The following SPINK5 variants were observed in gnomAD, a reference collection of about 807,000 sequenced individuals.
SPINK5 encodes serine protease inhibitor Kazal-type 5.
SPINK5 carries 125 observed loss-of-function variants against 151.8 expected under a neutral mutation model. The observed-to-expected ratio is 0.82, with a 90% CI of 0.71 to 0.96. The LOEUF is 0.96. SPINK5 is among the 40% of genes least tolerant of loss of function. The probability of loss-of-function intolerance (pLI) is 0.00; values close to 1 mark genes in which losing one functional copy is unlikely to be tolerated. For synonymous variants in SPINK5, 374 were observed against 395.3 expected (o/e 0.95, Z 0.64); for missense variants, 1,194 against 1,291.9 (o/e 0.92, Z 1.16).
chr5:148,088,471 G>A (rs1161771748), intron 5 of SPINK5, 71 bp from the exon 6 acceptor site: 1 of 1,312,276 alleles, frequency 7.6e-7, no homozygotes, highest in East Asian at 2.3e-5. Context: ...ATGCAATGTA[G>A]AGCAGTTAGG....
rs1009502314 is a variant in SPINK5 at position 148,099,377 on chromosome 5, C to T, written c.1092+62C>T. ...TATAATTTGAACAAATTTTAAGAGC[C>T]TAAAGGGTGAGATTTTGCCCTGCAG... On this transcript the variant is annotated intron_variant, in intron 12 of 32. Transcript: ENST00000256084. 4 of 1,461,498 alleles carry T rather than the reference C, an allele frequency of 2.7e-6. No homozygotes were observed. In the African/African-American group the frequency reaches 4.2e-5, roughly 15 times the overall value. 90.5% of individuals were successfully genotyped at this position (1,461,498 alleles called of 1,614,324 possible).
intron 11 of SPINK5, 55 bp from the exon 12 acceptor site, chr5:148,099,179 A>T: frequency 6.7e-7 from 1 of 1,502,266 alleles, no homozygotes; most frequent in Non-Finnish European, 9.1e-7. Context: ...GATGTGGAGA[A>T]ATCATGGCAT....
chr5:148,064,254 T>C (rs1380604219), intron 1 of SPINK5, among the ~76,000 whole-genome samples, 155 bp downstream of exon 1: 1 of 152,240 alleles, frequency 6.6e-6, no homozygotes, highest in African/African-American at 2.4e-5. Context: ...GATTTATATA[T>C]GTGGCTTTAT....
At chr5:148,108,910 T>C in intron 18 of SPINK5, 73 bp downstream of exon 18, 1 of 1,592,412 alleles carries the variant, frequency 6.3e-7, no homozygotes. Flanking sequence ...TCCTATTCCC[T>C]CCTCCTCATT....
At chr5:148,099,827 C>T (rs1439400789) in intron 12 of SPINK5, among the ~76,000 whole-genome samples, 2 of 152,030 alleles carry the variant, frequency 1.3e-5, no homozygotes, top group Non-Finnish European at 2.9e-5. Flanking sequence ...ACCAGTCTCC[C>T]TAACATAGTT....
In SPINK5 at chr5:148,109,169, C is replaced by T. The variant is rs112811843; in HGVS notation, c.1692+332C>T. Among the ~76,000 whole-genome samples the T allele has an allele frequency of 6.9e-3, 1,050 of 152,202 alleles. 11 individuals are homozygous for T. Among genetic ancestry groups the T allele is most frequent in the African/African-American group, 0.023 (956 of 41,522 alleles). On this transcript the variant is annotated intron_variant, in intron 18 of 32. Coordinates refer to ENST00000256084, the MANE Select transcript of SPINK5 (RefSeq NM_006846.4). ...CAGATGTTCAGATTTTTCTCAAGTA[C>T]ATTTTTGAATATGAATATTTACCTT...
intron 31 of SPINK5, 63 bp from the exon 32 acceptor site, chr5:148,133,734 A>G: frequency 6.5e-7 from 1 of 1,547,986 alleles, no homozygotes; most frequent in Non-Finnish European, 8.9e-7. Flanking sequence ...GTTGGTCCTT[A>G]TTTATTTTCT....
chr5:148,114,331 C>T, intron 20 of SPINK5, 31 bp from the exon 21 acceptor site: 3 of 1,586,868 alleles, frequency 1.9e-6, no homozygotes, highest in African/African-American at 1.4e-5. Flanking sequence ...CCAGAAGATA[C>T]TCAAGCTTTC....
In SPINK5 at chr5:148,137,095, T is replaced by C. The variant is rs908316608; in HGVS notation, c.*104T>C. On this transcript the variant is annotated 3_prime_UTR_variant, in exon 33 of 33. Transcript: ENST00000256084. ...AAGAATTCTTCGGAGCTTGTCTTATTTGCTATAGAAAACAATACAGAGCTT... is the reference window on the plus strand; with the variant it reads ...AAGAATTCTTCGGAGCTTGTCTTATCTGCTATAGAAAACAATACAGAGCTT... The C allele has an allele frequency of 4.7e-6, 7 of 1,477,924 alleles. No individual in the cohort carries two copies. The African/African-American group carries it at 9.8e-5, about 21-fold the overall frequency. The allele number at this position is 1,477,924 out of a possible 1,614,324, so 91.6% of individuals were successfully genotyped here.
intron 18 of SPINK5, 137 bp from the exon 19 acceptor site, chr5:148,111,631 T>G: frequency 2.4e-6 from 3 of 1,268,478 alleles, no homozygotes; most frequent in Non-Finnish European, 3.4e-6. Flanking sequence ...CTGAAAAGCA[T>G]TTTGGTTACT....
At chr5:148,079,890 C>T (rs561201764) in intron 4 of SPINK5, among the ~76,000 whole-genome samples, 10 of 151,136 alleles carry the variant, frequency 6.6e-5, no homozygotes, top group African/African-American at 2.2e-4. Context: ...CAACATTGTA[C>T]TGGAGGTTCT....
intron 20 of SPINK5, among the ~76,000 whole-genome samples, chr5:148,113,774 T>C (rs575863303): frequency 5.3e-5 from 8 of 152,156 alleles, no homozygotes; most frequent in African/African-American, 1.2e-4. Flanking sequence ...ATATGAAAAA[T>C]AGATTCACTC....
intron 14 of SPINK5, 25 bp downstream of exon 14, chr5:148,101,461 C>G (rs372883064): frequency 4.8e-5 from 74 of 1,539,642 alleles, no homozygotes; most frequent in Non-Finnish European, 6.4e-5. Flanking sequence ...TCCAGCAACT[C>G]AGAGGGATAT....
Position 148,137,097 on chromosome 5 carries a change from G to T in SPINK5, c.*106G>T. 6.8e-7 allele frequency: 1 copy of T among 1,468,308 alleles called. No individual in the cohort carries two copies. The highest frequency in any genetic ancestry group is 9.5e-7 in the Non-Finnish European group (1 of 1,049,506). The allele number at this position is 1,468,308 out of a possible 1,614,324, so 91.0% of individuals were successfully genotyped here. Reference sequence around the variant, plus strand: ...GAATTCTTCGGAGCTTGTCTTATTTGCTATAGAAAACAATACAGAGCTTTT... The same window carrying T: ...GAATTCTTCGGAGCTTGTCTTATTTTCTATAGAAAACAATACAGAGCTTTT... On this transcript the variant is annotated 3_prime_UTR_variant, in exon 33 of 33. Transcript: ENST00000256084.
At chr5:148,085,014 C>T (rs1581063401) in intron 4 of SPINK5, among the ~76,000 whole-genome samples, 2 of 151,542 alleles carry the variant, frequency 1.3e-5, no homozygotes, top group African/African-American at 4.8e-5. Flanking sequence ...TCTGTGGCAG[C>T]TTCACAGTCC....
At chr5:148,108,904 A>G in intron 18 of SPINK5, 67 bp downstream of exon 18, 1 of 1,596,674 alleles carries the variant, frequency 6.3e-7, no homozygotes, top group Non-Finnish European at 8.6e-7. Context: ...GAGGGCTCCT[A>G]TTCCCTCCTC....
At chr5:148,094,128 C>G (rs889724309) in intron 8 of SPINK5, among the ~76,000 whole-genome samples, 6 of 151,768 alleles carry the variant, frequency 4.0e-5, no homozygotes, top group African/African-American at 1.5e-4. Context: ...GATCCAGTCT[C>G]TACCAAAAAG....
chr5:148,129,199 T>C (rs1297788363), intron 30 of SPINK5, among the ~76,000 whole-genome samples: 6 of 152,302 alleles, frequency 3.9e-5, no homozygotes, highest in Admixed American at 2.0e-4. Flanking sequence ...AGGAAGCTAA[T>C]GGGAGGCCAT....
Position 148,101,438 on chromosome 5 carries a change from T to A in SPINK5, c.1302+2T>A. ...TCTAAGAGTACAGCTTCCTTTGAGG[T>A]GAGTTTATATCCTCCAGCAACTCAG... is the stretch of plus-strand genomic sequence containing the variant. On this transcript the variant is annotated splice_donor_variant, in intron 14 of 32. Coordinates refer to ENST00000256084, the MANE Select transcript of SPINK5 (RefSeq NM_006846.4). LOFTEE classifies it high-confidence loss of function. 6.2e-7 allele frequency: 1 copy of A among 1,606,268 alleles called. No homozygotes were observed. Among genetic ancestry groups the A allele is most frequent in the East Asian group, 2.2e-5 (1 of 44,776 alleles).
Sources: gnomAD v4.1 joint callset for allele counts (sites outside exome capture counted in the v4.1 genomes callset) on GRCh38, gnomAD v4.1.1 for gene constraint, MANE v1.5 for transcripts, NCBI Gene and HGNC (gene_info 2026-07-23, HGNC 2026-07-21) for gene names.